Variants in ABCC4 observed in about 807,000 individuals in gnomAD.
The protein encoded by ABCC4 is ATP-binding cassette sub-family C member 4.
ABCC4 carries 102 observed loss-of-function variants against 168.5 expected under a neutral mutation model. That is an observed-to-expected ratio of 0.61 (90% CI 0.52 to 0.71). The LOEUF is 0.71. ABCC4 is among the 30% of genes least tolerant of loss of function. The probability of loss-of-function intolerance (pLI) is 0.00; values close to 1 mark genes in which losing one functional copy is unlikely to be tolerated. For missense variants in ABCC4, 1,402 were observed against 1,605.8 expected (o/e 0.87, Z 2.17); for synonymous variants, 617 against 590.7 (o/e 1.04, Z -0.65).
At chr13:95,159,853 T>C (rs766895339) in intron 19 of ABCC4, among the ~76,000 whole-genome samples, 2 of 152,212 alleles carry the variant, frequency 1.3e-5, no homozygotes, top group Non-Finnish European at 2.9e-5. Flanking sequence ...ACAAAAATCA[T>C]GTAAAACAGA....
At chr13:95,255,391 G>A (rs1477922620) in intron 1 of ABCC4, among the ~76,000 whole-genome samples, 1 of 152,170 alleles carries the variant, frequency 6.6e-6, no homozygotes, top group Non-Finnish European at 1.5e-5. Context: ...CCCATTCTCT[G>A]TAGTCCAAAA....
At chr13:95,083,011 C>T (rs1234467651) in intron 21 of ABCC4, 129 bp downstream of exon 21, 6 of 1,040,214 alleles carry the variant, frequency 5.8e-6, no homozygotes, top group Non-Finnish European at 4.2e-6. Flanking sequence ...ATGGCCAATA[C>T]GTTCAATTAC....
At chr13:95,039,865 A>G (rs1229865367) in intron 29 of ABCC4, among the ~76,000 whole-genome samples, 1 of 152,200 alleles carries the variant, frequency 6.6e-6, no homozygotes, top group Non-Finnish European at 1.5e-5. Flanking sequence ...GACCATAGGA[A>G]AAGAAAAGCT....
intron 14 of ABCC4, among the ~76,000 whole-genome samples, chr13:95,169,467 T>G (rs2037393373): frequency 6.6e-6 from 1 of 152,142 alleles, no homozygotes; most frequent in African/African-American, 2.4e-5. Flanking sequence ...CCCACCTTTC[T>G]CCAGGCTCTC....
chr13:95,211,584 G>A (rs4148468), intron 4 of ABCC4, among the ~76,000 whole-genome samples: 26,382 of 151,940 alleles, frequency 0.17, 2,380 homozygotes, highest in Non-Finnish European at 0.19. Flanking sequence ...TCATGGAAGC[G>A]GGGCTGAAAC....
At chr13:95,196,692 GGAAGGAAGGA>G (rs2038458301) in intron 8 of ABCC4, among the ~76,000 whole-genome samples, 1 of 73,614 alleles carries the variant, frequency 1.4e-5, no homozygotes, top group Non-Finnish European at 3.2e-5. Context: ...AAGGAAGGAA[GGAAGGAAGGA>G]AGGAAGGAAG....
Position 95,166,138 on chromosome 13 carries a change from G to T in ABCC4, c.2034+20C>A, listed in dbSNP as rs750335403. ...ACAGTGAACAAAACCAGGCCATGTTGTAACAGGAGGTGAACTCACATCTTG... is the reference window on the plus strand; with the variant it reads ...ACAGTGAACAAAACCAGGCCATGTTTTAACAGGAGGTGAACTCACATCTTG... On this transcript the variant is annotated intron_variant, in intron 15 of 30. Coordinates refer to ENST00000645237, the MANE Select transcript of ABCC4 (RefSeq NM_005845.5). 5.0e-6 allele frequency: 8 copies of T among 1,602,404 alleles called. No homozygotes were observed. Among genetic ancestry groups the T allele is most frequent in the Middle Eastern group, 1.7e-4 (1 of 6,018 alleles).
At chr13:95,053,048 A>G in intron 27 of ABCC4, 47 bp downstream of exon 27, 1 of 1,505,850 alleles carries the variant, frequency 6.6e-7, no homozygotes, top group South Asian at 1.1e-5. Flanking sequence ...GTACATATAC[A>G]CATACTGAGG....
At chr13:95,071,270 G>A (rs773859411) in intron 25 of ABCC4, among the ~76,000 whole-genome samples, 23 of 152,146 alleles carry the variant, frequency 1.5e-4, no homozygotes, top group Admixed American at 2.6e-4. Flanking sequence ...CCAAAGGATG[G>A]AGGAGGAGAA....
At chr13:95,069,702 G>T (rs1394143890) in intron 25 of ABCC4, among the ~76,000 whole-genome samples, 1 of 152,140 alleles carries the variant, frequency 6.6e-6, no homozygotes, top group Non-Finnish European at 1.5e-5. Flanking sequence ...GAACCTTATA[G>T]CACCGTCCTT....
chr13:95,112,008 C>T (rs933939474), intron 20 of ABCC4, among the ~76,000 whole-genome samples: 8 of 152,144 alleles, frequency 5.3e-5, no homozygotes, highest in Non-Finnish European at 7.3e-5. Context: ...ACCAATAAAA[C>T]GATCACCATC....
chr13:95,239,545 A>T (rs1424306845), intron 3 of ABCC4, among the ~76,000 whole-genome samples: 1 of 152,226 alleles, frequency 6.6e-6, no homozygotes, highest in Non-Finnish European at 1.5e-5. Context: ...GTATACATTC[A>T]AAAGACTCAG....
chr13:95,050,606 C>T (rs2032787462), intron 27 of ABCC4, among the ~76,000 whole-genome samples: 3 of 152,112 alleles, frequency 2.0e-5, no homozygotes, highest in Admixed American at 2.0e-4. Context: ...AGTAACTCTT[C>T]CAAATCATTC....
rs560778782 is a variant in ABCC4, at chr13:95,174,732, T to C, written c.1727+2975A>G. On this transcript the variant is annotated intron_variant, in intron 13 of 30. Transcript: ENST00000645237. Reference sequence around the variant, plus strand: ...TGTTGTTTGAGTGATAAAGAACTGGTGGGGCCTCGCGCAAGACTCAAGCAA... The same window carrying C: ...TGTTGTTTGAGTGATAAAGAACTGGCGGGGCCTCGCGCAAGACTCAAGCAA... 3.2e-3 allele frequency among the ~76,000 whole-genome samples: 492 copies of C among 152,034 alleles called. 2 individuals carry two copies. Among genetic ancestry groups the C allele is most frequent in the Middle Eastern group, 0.017 (5 of 294 alleles).
In ABCC4 at chr13:95,186,900, A is replaced by G. The variant is rs1350776004; in HGVS notation, c.1354-8T>C. 1 of 1,599,012 alleles carries G rather than the reference A, an allele frequency of 6.3e-7. No homozygotes were observed. Among genetic ancestry groups the G allele is most frequent in the Non-Finnish European group, 8.5e-7 (1 of 1,172,148 alleles). ...GGCACTTAACAGTGATGACTGAAAC[A>G]GATTGTAAAAAAGCACATGTTCAGT... On this transcript the variant is annotated splice_polypyrimidine_tract_variant and splice_region_variant and intron_variant, in intron 10 of 30. Transcript: ENST00000645237.
chr13:95,038,709 G>T (rs1411469243), intron 29 of ABCC4, among the ~76,000 whole-genome samples: 4 of 152,290 alleles, frequency 2.6e-5, no homozygotes, highest in African/African-American at 7.2e-5. Context: ...TGCACATGAC[G>T]TGTGAGCAGG....
At chr13:95,260,414 G>A (rs577427430) in intron 1 of ABCC4, among the ~76,000 whole-genome samples, 53 of 152,092 alleles carry the variant, frequency 3.5e-4, no homozygotes, top group African/African-American at 1.2e-3. Flanking sequence ...CCCAAGTGGC[G>A]GTCCTTAAAA....
At position 95,207,887 on chromosome 13, in the gene ABCC4, G is replaced by A; in HGVS notation, c.824C>T (p.Thr275Ile). The stretch of plus-strand genomic sequence containing the variant: ...TATACCAGTTATAACTTCATTCATG[G>A]TCCTGATCCTGGCATCCGTGAAAGT... ...TATFTDARIRTMNEVITGIRI... is the reference protein window; with the variant it reads ...TATFTDARIRIMNEVITGIRI... The change falls in exon 7 of 31, where the codon ACC becomes ATC. Residue 275 changes from threonine to isoleucine, a missense_variant. Transcript: ENST00000645237. The A allele has an allele frequency of 6.2e-7, 1 of 1,613,602 alleles. No homozygotes were observed. The highest frequency in any genetic ancestry group is 1.1e-5 in the South Asian group (1 of 90,988).
Position 95,264,022 on chromosome 13 carries a change from C to T in ABCC4, c.75-16269G>A, listed in dbSNP as rs149384416. On this transcript the variant is annotated intron_variant, in intron 1 of 30. Transcript: ENST00000645237. ...AAGTAATGAAATGTTCAAAGAATCC[C>T]GACAACATGTCCAAAGGACCCAGGA... is the stretch of plus-strand genomic sequence containing the variant. 2.1e-3 allele frequency among the ~76,000 whole-genome samples: 321 copies of T among 152,162 alleles called. 2 individuals carry two copies. The highest frequency in any genetic ancestry group is 6.8e-3 in the Middle Eastern group (2 of 294).
Sources: gnomAD v4.1 joint callset for allele counts (sites outside exome capture counted in the v4.1 genomes callset) on GRCh38, gnomAD v4.1.1 for gene constraint, MANE v1.5 for transcripts, NCBI Gene and HGNC (gene_info 2026-07-23, HGNC 2026-07-21) for gene names.